The following NKAIN3 variants were observed in gnomAD, a reference collection of about 807,000 sequenced individuals.
NKAIN3 encodes sodium/potassium transporting ATPase interacting 3.
A neutral mutation model predicts 30.2 loss-of-function variants in NKAIN3; 25 were observed. The observed-to-expected ratio is 0.83, with a 90% CI of 0.60 to 1.16. The LOEUF is 1.16. Among genes scored for constraint, NKAIN3 ranks in the 50% most tolerant of loss-of-function variants. The pLI is 0.00. For synonymous variants in NKAIN3, 91 were observed against 89.6 expected (o/e 1.02, Z -0.09); for missense variants, 225 against 254.1 (o/e 0.89, Z 0.78).
At chr8:62,525,637 C>T (rs747804914) in intron 1 of NKAIN3, among the ~76,000 whole-genome samples, 2 of 152,114 alleles carry the variant, frequency 1.3e-5, no homozygotes, top group Non-Finnish European at 2.9e-5. Context: ...GCCCCTCGGT[C>T]GAGCACTGAG....
intron 4 of NKAIN3, among the ~76,000 whole-genome samples, chr8:62,878,840 C>T (rs1044146230): frequency 2.6e-5 from 4 of 152,208 alleles, no homozygotes; most frequent in Admixed American, 6.5e-5. Flanking sequence ...AGAACATGAA[C>T]TCATCATTTT....
chr8:62,675,550 A>G (rs2130399527), intron 3 of NKAIN3, among the ~76,000 whole-genome samples: 1 of 152,340 alleles, frequency 6.6e-6, no homozygotes, highest in African/African-American at 2.4e-5. Context: ...CACCAGTGGT[A>G]TGCCAGACAC....
chr8:62,428,675 T>G (rs936590411), intron 1 of NKAIN3, among the ~76,000 whole-genome samples: 2 of 151,984 alleles, frequency 1.3e-5, no homozygotes, highest in Non-Finnish European at 2.9e-5. Flanking sequence ...TTAGCACTTT[T>G]GCTCATTTTA....
chr8:62,817,377 ATTT>A (rs1316988571), intron 4 of NKAIN3, among the ~76,000 whole-genome samples: 1 of 152,092 alleles, frequency 6.6e-6, no homozygotes, highest in Non-Finnish European at 1.5e-5. Flanking sequence ...ATATTTTCAA[ATTT>A]TAGCTGTTAA....
Position 62,503,828 on chromosome 8 carries a change from C to A in NKAIN3, c.55-75711C>A, listed in dbSNP as rs142205663. 5.6e-3 allele frequency among the ~76,000 whole-genome samples: 849 copies of A among 152,138 alleles called. 8 individuals carry two copies. The highest frequency in any genetic ancestry group is 0.02 in the African/African-American group (810 of 41,510). On this transcript the variant is annotated intron_variant, in intron 1 of 6. Transcript: ENST00000623646. ...CTTGCTCCCTAAAATCGCTGTTATT[C>A]TGTTCATTTTCAAGGTGCACTGATT...
intron 4 of NKAIN3, among the ~76,000 whole-genome samples, chr8:62,836,655 T>C (rs1819374278): frequency 6.6e-6 from 1 of 152,094 alleles, no homozygotes; most frequent in African/African-American, 2.4e-5. Flanking sequence ...TGACAGTAGA[T>C]AACAAAGTTG....
intron 3 of NKAIN3, among the ~76,000 whole-genome samples, chr8:62,671,540 C>A (rs1023166755): frequency 6.6e-6 from 1 of 151,984 alleles, no homozygotes; most frequent in Non-Finnish European, 1.5e-5. Context: ...TATTACTTTC[C>A]TAGATTTTTA....
intron 1 of NKAIN3, among the ~76,000 whole-genome samples, chr8:62,538,318 G>A (rs1585921198): frequency 6.6e-6 from 1 of 152,052 alleles, no homozygotes; most frequent in African/African-American, 2.4e-5. Flanking sequence ...AGGACCATAG[G>A]CACCCACCAC....
intron 3 of NKAIN3, among the ~76,000 whole-genome samples, chr8:62,668,508 A>G (rs1480190): frequency 0.48 from 73,262 of 152,110 alleles, 20,725 homozygotes; most frequent in African/African-American, 0.79. Flanking sequence ...CTTTCTGCCC[A>G]GAGTTCTTTC....
At chr8:62,618,708 C>T (rs1027471811) in intron 3 of NKAIN3, among the ~76,000 whole-genome samples, 2 of 152,046 alleles carry the variant, frequency 1.3e-5, no homozygotes, top group Admixed American at 6.5e-5. Context: ...GAGTTCAAGC[C>T]AAGCCTGGCC....
At chr8:62,987,210 G>A (rs4739034), downstream of NKAIN3, among the ~76,000 whole-genome samples, 27,608 of 151,746 alleles carry the variant, frequency 0.18, 2,610 homozygotes, top group East Asian at 0.38. Context: ...AACATGACAA[G>A]ACCACGTATC....
intron 1 of NKAIN3, among the ~76,000 whole-genome samples, chr8:62,339,421 CA>C (rs1815669016): frequency 1.3e-5 from 2 of 152,114 alleles, no homozygotes; most frequent in South Asian, 4.1e-4. Flanking sequence ...CAGAGTGGAA[CA>C]AAAGTGGAAG....
chr8:62,315,958 T>C lies in NKAIN3; in HGVS notation c.54+66831T>C, dbSNP rs536292532. Among the ~76,000 whole-genome samples the C allele has an allele frequency of 3.7e-3, 559 of 152,284 alleles. 3 individuals carry two copies. Among genetic ancestry groups the C allele is most frequent in the African/African-American group, 0.013 (544 of 41,578 alleles). ...ATCCCACATTGTGGGAGAAACCTGG[T>C]GGGAGTAATTGAATCATGGGGGCGG... On this transcript the variant is annotated intron_variant, in intron 1 of 6. Transcript: ENST00000623646.
rs1384298582 is a variant in NKAIN3, at chr8:62,935,894, C to T, written c.532+17381C>T. 1.3e-5 allele frequency among the ~76,000 whole-genome samples: 2 copies of T among 152,022 alleles called. 1 individual carries two copies. The highest frequency in any genetic ancestry group is 4.8e-5 in the African/African-American group (2 of 41,362). ...CATTAGAAAAACAGAATTTCAGAATCCAGTTCAAATACTGAAAAAATCTAA... is the reference window on the plus strand; with the variant it reads ...CATTAGAAAAACAGAATTTCAGAATTCAGTTCAAATACTGAAAAAATCTAA... On this transcript the variant is annotated intron_variant, in intron 5 of 6. Coordinates refer to ENST00000623646, the MANE Select transcript of NKAIN3 (RefSeq NM_001304533.3).
Position 62,966,326 on chromosome 8 carries a change from C to G in NKAIN3, c.*919C>G. 1 of 984,124 alleles carries G rather than the reference C, an allele frequency of 1.0e-6. No homozygotes were observed. Among genetic ancestry groups the G allele is most frequent in the Non-Finnish European group, 1.2e-6 (1 of 828,780 alleles). 61.0% of individuals were successfully genotyped at this position (984,124 alleles called of 1,614,324 possible). ...GACATTCACGTGTGAGCAACATCAG[C>G]TTTTCTTTCTCCTACCCCTTCCCAA... On this transcript the variant is annotated 3_prime_UTR_variant, in exon 7 of 7. Coordinates refer to ENST00000623646, the MANE Select transcript of NKAIN3 (RefSeq NM_001304533.3).
intron 5 of NKAIN3, among the ~76,000 whole-genome samples, chr8:62,993,053 T>G (rs1824354041): frequency 6.9e-6 from 1 of 145,014 alleles, no homozygotes; most frequent in African/African-American, 2.5e-5. Flanking sequence ...TTTTGTTTTG[T>G]TTTTTTGCCT....
At chr8:62,895,554 T>C (rs1317734729) in intron 4 of NKAIN3, among the ~76,000 whole-genome samples, 3 of 152,186 alleles carry the variant, frequency 2.0e-5, no homozygotes, top group Non-Finnish European at 4.4e-5. Flanking sequence ...CCTTCTAAGG[T>C]TCCAGATTAG....
intron 3 of NKAIN3, among the ~76,000 whole-genome samples, chr8:62,646,552 A>G (rs544994481): frequency 6.6e-6 from 1 of 152,274 alleles, no homozygotes; most frequent in South Asian, 2.1e-4. Context: ...TTATGTTTCT[A>G]ATGTTTATAA....
chr8:62,907,735 A>C (rs953689817), intron 4 of NKAIN3, among the ~76,000 whole-genome samples: 2 of 152,208 alleles, frequency 1.3e-5, no homozygotes, highest in Non-Finnish European at 2.9e-5. Context: ...ACAGAAATTA[A>C]GAACTGAGGT....
Sources: allele counts gnomAD v4.1 joint callset (sites outside exome capture counted in the v4.1 genomes callset), GRCh38; gene constraint gnomAD v4.1.1; transcripts MANE v1.5; gene names NCBI Gene and HGNC (gene_info 2026-07-23, HGNC 2026-07-21).